ZNF618: variants seen among roughly 807,000 people sequenced by gnomAD.
The protein encoded by ZNF618 is zinc finger protein 618.
Under a neutral mutation model 103.0 loss-of-function variants are expected in ZNF618, and 34 were observed. The observed-to-expected ratio is 0.33, with a 90% CI of 0.25 to 0.44. The LOEUF (loss-of-function observed/expected upper bound fraction) is 0.44, where lower values mean the gene tolerates loss of function less well. Ranked by LOEUF, ZNF618 falls within the 20% of genes least tolerant of loss-of-function variation. The probability of loss-of-function intolerance (pLI) is 1.00; values close to 1 mark genes in which losing one functional copy is unlikely to be tolerated. For synonymous variants in ZNF618, 551 were observed against 542.2 expected (o/e 1.02, Z -0.23); for missense variants, 1,059 against 1,295.4 (o/e 0.82, Z 2.80).
At chr9:113,887,404 C>A (rs1376103055) in intron 1 of ZNF618, among the ~76,000 whole-genome samples, 1 of 152,184 alleles carries the variant, frequency 6.6e-6, no homozygotes, top group Non-Finnish European at 1.5e-5. Context: ...AAAAACAAAT[C>A]TAAAAGATAA....
At chr9:114,009,796 G>C (rs987113984) in intron 9 of ZNF618, among the ~76,000 whole-genome samples, 1 of 152,126 alleles carries the variant, frequency 6.6e-6, no homozygotes, top group African/African-American at 2.4e-5. Flanking sequence ...CTCGATCCCA[G>C]CTCTTGGAAG....
At position 114,032,579 on chromosome 9, in the gene ZNF618, C is replaced by A; in HGVS notation, c.1085-66C>A. 9 of 1,487,224 alleles carry A rather than the reference C, an allele frequency of 6.1e-6. No homozygotes were observed. In the South Asian group the frequency reaches 7.9e-5, roughly 13 times the overall value. The allele number at this position is 1,487,224 out of a possible 1,614,324, so 92.1% of individuals were successfully genotyped here. ...GTCCTTGGCCTTCACCCAGCCTACC[C>A]CTCCCTTGAGACCTAGTGCTGACCA... On this transcript the variant is annotated intron_variant, in intron 11 of 14. Transcript: ENST00000374126.
At chr9:114,036,258 T>G in intron 12 of ZNF618, 42 bp from the exon 13 acceptor site, 2 of 1,544,892 alleles carry the variant, frequency 1.3e-6, no homozygotes, top group East Asian at 4.9e-5. Context: ...GGTGTCTGCG[T>G]CGGTTCCACC....
At chr9:114,015,972 C>A in intron 9 of ZNF618, 1 of 710,812 alleles carries the variant, frequency 1.4e-6, no homozygotes, top group Non-Finnish European at 2.4e-6. Context: ...CCAGATGAGA[C>A]AGAATGAAGA....
intron 1 of ZNF618, among the ~76,000 whole-genome samples, chr9:113,915,034 A>G (rs2065184): frequency 0.62 from 93,962 of 152,104 alleles, 29,330 homozygotes; most frequent in East Asian, 0.68. Flanking sequence ...TTTTCTCTTC[A>G]TTTAACTATA....
intron 2 of ZNF618, among the ~76,000 whole-genome samples, chr9:113,969,986 G>T (rs1412819023): frequency 1.3e-5 from 2 of 152,124 alleles, no homozygotes; most frequent in Non-Finnish European, 2.9e-5. Context: ...AGAAGAATTT[G>T]CCTGTTAGCC....
chr9:113,925,855 A>C (rs961461725), intron 1 of ZNF618, among the ~76,000 whole-genome samples: 64 of 152,124 alleles, frequency 4.2e-4, no homozygotes, highest in Admixed American at 2.9e-3. Flanking sequence ...ACATGGTATA[A>C]TCATCCAGTA....
chr9:113,915,064 T>C (rs1449759549), intron 1 of ZNF618, among the ~76,000 whole-genome samples: 1 of 152,234 alleles, frequency 6.6e-6, no homozygotes, highest in Non-Finnish European at 1.5e-5. Flanking sequence ...TCTTCTACCT[T>C]ACTTAGCAAA....
At chr9:113,916,171 CTG>C (rs1832062339) in intron 1 of ZNF618, among the ~76,000 whole-genome samples, 1 of 151,814 alleles carries the variant, frequency 6.6e-6, no homozygotes, top group Non-Finnish European at 1.5e-5. Flanking sequence ...TGCAACAGCT[CTG>C]TGAAATATTG....
At position 114,008,360 on chromosome 9, in the gene ZNF618, G is replaced by A; in HGVS notation, c.657G>A (p.Gly219=). ...CGGGCGCAGTGTTTAGTGTGGAAGG[G>A]GCCCCTGAGAACCGGGCAGGTAAGT... The part of the protein sequence containing the change: ...LHAVDVFSVE[G]APENRADPFD... The change falls in exon 8 of 15, where the codon GGG becomes GGA. Residue 219 remains glycine (G), a synonymous_variant. Transcript: ENST00000374126. 6.2e-7 allele frequency: 1 copy of A among 1,613,894 alleles called. No homozygotes were observed. Among genetic ancestry groups the A allele is most frequent in the Middle Eastern group, 1.7e-4 (1 of 6,016 alleles).
intron 1 of ZNF618, among the ~76,000 whole-genome samples, chr9:113,956,064 C>G (rs912351674): frequency 5.3e-5 from 8 of 151,946 alleles, no homozygotes; most frequent in Admixed American, 3.3e-4. Flanking sequence ...AAAAAAATAG[C>G]TGGGAGTGGT....
At position 114,033,643 on chromosome 9, in the gene ZNF618, G is replaced by C. The variant is rs73658320; in HGVS notation, c.1168+915G>C. 2.7e-3 allele frequency among the ~76,000 whole-genome samples: 404 copies of C among 152,282 alleles called. 2 individuals carry two copies. The highest frequency in any genetic ancestry group is 0.014 in the Middle Eastern group (4 of 294). The stretch of plus-strand genomic sequence containing the variant: ...CTCCCACCAGACCCGGGGTCAGCCT[G>C]GGGGGTGCCTGGCTGGTCACCAGCA... On this transcript the variant is annotated intron_variant, in intron 12 of 14. Coordinates refer to ENST00000374126, the MANE Select transcript of ZNF618 (RefSeq NM_001318042.2).
At chr9:114,029,032 C>T (rs1843767042) in intron 11 of ZNF618, 60 bp downstream of exon 11, 4 of 1,511,458 alleles carry the variant, frequency 2.6e-6, no homozygotes, top group East Asian at 4.9e-5. Context: ...CACCACCTGC[C>T]ACAGCTGTGC....
intron 1 of ZNF618, among the ~76,000 whole-genome samples, chr9:113,946,140 T>C (rs986265545): frequency 6.6e-5 from 10 of 152,184 alleles, no homozygotes; most frequent in Non-Finnish European, 1.3e-4. Context: ...CAGAGCAGGA[T>C]GGTCTTGGCG....
chr9:113,994,425 C>CTT (rs1840364857), intron 3 of ZNF618, among the ~76,000 whole-genome samples: 1 of 152,254 alleles, frequency 6.6e-6, no homozygotes, highest in South Asian at 2.1e-4. Context: ...TCTGGCCACC[C>CTT]TCCCAGGCGC....
At chr9:113,885,030 A>G (rs1828933510) in intron 1 of ZNF618, among the ~76,000 whole-genome samples, 1 of 152,026 alleles carries the variant, frequency 6.6e-6, no homozygotes, top group Non-Finnish European at 1.5e-5. Context: ...ATAATTAGAT[A>G]CCCTTGGGGT....
intron 1 of ZNF618, among the ~76,000 whole-genome samples, chr9:113,892,626 G>A (rs533878646): frequency 1.4e-3 from 218 of 152,268 alleles, no homozygotes; most frequent in African/African-American, 5.1e-3. Context: ...TGCATAAGTG[G>A]TCACAGTAGA....
At chr9:113,892,512 G>A (rs1487850006) in intron 1 of ZNF618, among the ~76,000 whole-genome samples, 2 of 152,138 alleles carry the variant, frequency 1.3e-5, no homozygotes, top group Admixed American at 6.6e-5. Context: ...AAATGGTTCA[G>A]ATGGTCAAAG....
At chr9:113,951,513 G>GTATACA (rs1345595804) in intron 1 of ZNF618, among the ~76,000 whole-genome samples, 21 of 72,364 alleles carry the variant, frequency 2.9e-4, no homozygotes, top group South Asian at 9.4e-4. Flanking sequence ...ACATATATGT[G>GTATACA]TGTATATGTA....
Sources: allele counts gnomAD v4.1 joint callset (sites outside exome capture counted in the v4.1 genomes callset), GRCh38; gene constraint gnomAD v4.1.1; transcripts MANE v1.5; gene names NCBI Gene and HGNC (gene_info 2026-07-23, HGNC 2026-07-21).